Variants in DLG2 observed in about 807,000 individuals in gnomAD.
The protein encoded by DLG2 is discs large MAGUK scaffold protein 2.
A neutral mutation model predicts 132.5 loss-of-function variants in DLG2; 45 were observed. The ratio of observed to expected loss-of-function variants is 0.34; its 90% CI spans 0.27 to 0.44. The LOEUF (loss-of-function observed/expected upper bound fraction) is 0.44, where lower values mean the gene tolerates loss of function less well. DLG2 is among the 20% of genes least tolerant of loss of function. The pLI is 1.00. For missense variants in DLG2, 1,045 were observed against 1,196.9 expected, an observed-to-expected ratio of 0.87 and a Z score of 1.87; for synonymous variants, 424 against 419.6, an observed-to-expected ratio of 1.01 and a Z score of -0.13.
intron 18 of DLG2, among the ~76,000 whole-genome samples, chr11:83,735,292 A>C (rs1234869021): frequency 2.0e-5 from 3 of 152,200 alleles, no homozygotes; most frequent in African/African-American, 7.2e-5. Context: ...TATTTAAATT[A>C]GTGTTTTAGT....
chr11:83,733,440 G>A (rs1215590964), intron 18 of DLG2, among the ~76,000 whole-genome samples: 1 of 152,046 alleles, frequency 6.6e-6, no homozygotes, highest in East Asian at 1.9e-4. Flanking sequence ...TTTGCATAAA[G>A]ATTAACTAAT....
At chr11:84,243,017 C>CTCTCTCTCTCTCTCTATATA (rs542476924) in intron 8 of DLG2, among the ~76,000 whole-genome samples, 37 of 142,194 alleles carry the variant, frequency 2.6e-4, no homozygotes, top group Admixed American at 9.8e-4. Flanking sequence ...CTCTCTCTCT[C>CTCTCTCTCTCTCTCTATATA]TATATATATA....
At chr11:84,408,490 T>C (rs990190298) in intron 7 of DLG2, among the ~76,000 whole-genome samples, 3 of 152,172 alleles carry the variant, frequency 2.0e-5, no homozygotes, top group Admixed American at 6.5e-5. Context: ...AACCAGCCAC[T>C]TGCTTGGGAC....
At chr11:83,583,022 G>A (rs758043539) in intron 19 of DLG2, among the ~76,000 whole-genome samples, 1 of 152,182 alleles carries the variant, frequency 6.6e-6, no homozygotes, top group African/African-American at 2.4e-5. Context: ...CAGCCTGAGG[G>A]TGTCTGGCTC....
intron 7 of DLG2, among the ~76,000 whole-genome samples, chr11:84,327,330 G>T (rs929044771): frequency 6.6e-6 from 1 of 151,896 alleles, no homozygotes; most frequent in Admixed American, 6.6e-5. Flanking sequence ...TGATCCACCC[G>T]CCTTGGCCTC....
chr11:85,011,787 C>T (rs1331495118), intron 6 of DLG2, among the ~76,000 whole-genome samples: 1 of 152,184 alleles, frequency 6.6e-6, no homozygotes, highest in Non-Finnish European at 1.5e-5. Context: ...ACTCCTCCAT[C>T]TATACAGTTT....
rs2081892842 is a variant in DLG2 at position 85,623,832 on chromosome 11, T to G, written c.-93+2755A>C. On this transcript the variant is annotated intron_variant, in intron 2 of 27. Transcript: ENST00000376104. Reference sequence around the variant, plus strand: ...CTATCATTAACTTTTATTTCTTATGTTAACACAGTAGGAAATCATATCAGA... The same window carrying G: ...CTATCATTAACTTTTATTTCTTATGGTAACACAGTAGGAAATCATATCAGA... Among the ~76,000 whole-genome samples, 6 of 152,354 alleles carry G rather than the reference T, an allele frequency of 3.9e-5. No individual in the cohort carries two copies. The South Asian group carries it at 1.2e-3, about 32-fold the overall frequency.
At chr11:85,191,709 G>A (rs1462249142) in intron 4 of DLG2, among the ~76,000 whole-genome samples, 1 of 152,040 alleles carries the variant, frequency 6.6e-6, no homozygotes, top group African/African-American at 2.4e-5. Context: ...TATATAGATT[G>A]GTTTTCTGGG....
chr11:84,544,338 T>C (rs2099385247), intron 6 of DLG2, among the ~76,000 whole-genome samples: 1 of 152,212 alleles, frequency 6.6e-6, no homozygotes. Context: ...TGAAATTTTG[T>C]AAGATGCCAC....
At chr11:84,592,881 A>G (rs1448456561) in intron 6 of DLG2, among the ~76,000 whole-genome samples, 1 of 141,278 alleles carries the variant, frequency 7.1e-6, no homozygotes, top group African/African-American at 2.6e-5. Context: ...GTGGATCACA[A>G]GGTCAGGAGA....
intron 7 of DLG2, among the ~76,000 whole-genome samples, chr11:84,482,645 T>C (rs572127462): frequency 6.7e-4 from 102 of 152,322 alleles, no homozygotes; most frequent in African/African-American, 2.3e-3. Flanking sequence ...CTAAGCATGG[T>C]AAAACCCTGA....
chr11:83,953,004 ATATATAAAGCAG>A (rs1164565384), intron 14 of DLG2, among the ~76,000 whole-genome samples: 1 of 152,198 alleles, frequency 6.6e-6, no homozygotes, highest in African/African-American at 2.4e-5. Context: ...ATCTGGAGAC[ATATATAAAGCAG>A]TATTTTCAAG....
chr11:83,748,912 T>C (rs1055414040), intron 18 of DLG2, among the ~76,000 whole-genome samples: 3 of 152,234 alleles, frequency 2.0e-5, no homozygotes, highest in African/African-American at 7.2e-5. Context: ...AAATGAAAGA[T>C]AATATTTTCC....
intron 6 of DLG2, among the ~76,000 whole-genome samples, chr11:84,679,488 A>C (rs943252327): frequency 1.3e-5 from 2 of 152,100 alleles, no homozygotes; most frequent in African/African-American, 4.8e-5. Flanking sequence ...AAAATAAAAT[A>C]AACCAAGAAA....
intron 11 of DLG2, among the ~76,000 whole-genome samples, chr11:84,021,428 A>G (rs976173221): frequency 6.6e-6 from 1 of 152,156 alleles, no homozygotes; most frequent in African/African-American, 2.4e-5. Context: ...ATTCTTGACG[A>G]AAGAGCTGAC....
intron 6 of DLG2, among the ~76,000 whole-genome samples, chr11:84,746,149 G>A (rs1346599375): frequency 6.6e-6 from 1 of 151,888 alleles, no homozygotes; most frequent in African/African-American, 2.4e-5. Flanking sequence ...GACAGCTGTG[G>A]GCAAGGGGTC....
intron 6 of DLG2, among the ~76,000 whole-genome samples, chr11:85,029,664 TCAGCC>T (rs879440907): frequency 1.3e-5 from 2 of 152,186 alleles, no homozygotes; most frequent in Non-Finnish European, 2.9e-5. Flanking sequence ...TATCTTAAAT[TCAGCC>T]CAAAGATTTT....
chr11:85,008,719 A>T (rs1336010666), intron 6 of DLG2, among the ~76,000 whole-genome samples: 1 of 152,112 alleles, frequency 6.6e-6, no homozygotes, highest in Non-Finnish European at 1.5e-5. Context: ...AGCACTTTTC[A>T]AAGTCTTGTA....
At chr11:84,692,994 G>A (rs2058215170) in intron 6 of DLG2, among the ~76,000 whole-genome samples, 1 of 151,654 alleles carries the variant, frequency 6.6e-6, no homozygotes, top group South Asian at 2.1e-4. Flanking sequence ...GCGCAAACTG[G>A]AAAATTAACC....
Sources: gnomAD v4.1 joint callset for allele counts (sites outside exome capture counted in the v4.1 genomes callset) on GRCh38, gnomAD v4.1.1 for gene constraint, MANE v1.5 for transcripts, NCBI Gene and HGNC (gene_info 2026-07-23, HGNC 2026-07-21) for gene names.